The following AFG1L variants were observed in gnomAD, a reference collection of about 807,000 sequenced individuals.
The protein encoded by AFG1L is AFG1-like ATPase.
AFG1L carries 53 observed loss-of-function variants against 62.2 expected under a neutral mutation model. That is an observed-to-expected ratio of 0.85 (90% CI 0.68 to 1.07). The LOEUF (loss-of-function observed/expected upper bound fraction) is 1.07, where lower values mean the gene tolerates loss of function less well. Among genes scored for constraint, AFG1L ranks in the 50% least tolerant of loss-of-function variants. The pLI is 0.00. For synonymous variants in AFG1L, 228 were observed against 210.3 expected (o/e 1.08, Z -0.73); for missense variants, 555 against 590.5 (o/e 0.94, Z 0.62).
chr6:108,297,777 C>A (rs1323186997), intron 1 of AFG1L, among the ~76,000 whole-genome samples: 1 of 150,922 alleles, frequency 6.6e-6, no homozygotes, highest in African/African-American at 2.4e-5. Context: ...ATCACTTGAG[C>A]CCAGGAAGTC....
chr6:108,517,969 A>G (rs1410224674), intron 11 of AFG1L, among the ~76,000 whole-genome samples: 1 of 152,224 alleles, frequency 6.6e-6, no homozygotes, highest in African/African-American at 2.4e-5. Context: ...ATCTCACACC[A>G]GTTAGAATGG....
chr6:108,303,754 T>A (rs571907137), intron 1 of AFG1L, among the ~76,000 whole-genome samples: 16 of 152,324 alleles, frequency 1.1e-4, no homozygotes, highest in Admixed American at 6.5e-4. Context: ...GCAACTCCTG[T>A]AGATTCCATT....
rs1775297940 is a variant in AFG1L at position 108,525,849 on chromosome 6, C to T, written c.*3424C>T. ...GTATTGCTGGTCCAAGTAACTTGAA[C>T]CTACACTTGACGGCTGCTTTATCTG... is the stretch of plus-strand genomic sequence containing the variant. On this transcript the variant is annotated 3_prime_UTR_variant, in exon 13 of 13. Transcript: ENST00000368977. The T allele has an allele frequency of 6.6e-6, 1 of 152,208 alleles. No individual in the cohort carries two copies. The highest frequency in any genetic ancestry group is 2.4e-5 in the African/African-American group (1 of 41,462). 9.4% of individuals were successfully genotyped at this position (152,208 alleles called of 1,614,324 possible).
intron 8 of AFG1L, among the ~76,000 whole-genome samples, chr6:108,448,814 A>C (rs555827952): frequency 5.9e-5 from 9 of 152,308 alleles, no homozygotes; most frequent in Admixed American, 5.9e-4. Context: ...CCAGACCTAC[A>C]AAGGACACCA....
chr6:108,297,816 G>A (rs1242342940), intron 1 of AFG1L, among the ~76,000 whole-genome samples: 5 of 147,428 alleles, frequency 3.4e-5, no homozygotes, highest in South Asian at 4.3e-4. Flanking sequence ...GAGAGATGGC[G>A]TCACTGCACT....
At chr6:108,398,222 T>C (rs1781402661) in intron 6 of AFG1L, among the ~76,000 whole-genome samples, 1 of 152,216 alleles carries the variant, frequency 6.6e-6, no homozygotes, top group Middle Eastern at 3.2e-3. Flanking sequence ...AGCACTTTTT[T>C]GTTTGCCTGT....
intron 8 of AFG1L, among the ~76,000 whole-genome samples, chr6:108,467,961 T>A (rs1772737817): frequency 6.6e-6 from 1 of 152,230 alleles, no homozygotes; most frequent in African/African-American, 2.4e-5. Flanking sequence ...TACTGGAGTT[T>A]TAGTTGACCT....
intron 10 of AFG1L, among the ~76,000 whole-genome samples, chr6:108,495,668 A>G (rs371910295): frequency 6.6e-6 from 1 of 152,368 alleles, no homozygotes; most frequent in East Asian, 1.9e-4. Flanking sequence ...TAAGTTTGTT[A>G]GAGAAACTGG....
chr6:108,385,636 A>G (rs975318932), intron 6 of AFG1L, among the ~76,000 whole-genome samples: 1 of 152,138 alleles, frequency 6.6e-6, no homozygotes, highest in Non-Finnish European at 1.5e-5. Context: ...ATATTTCTGT[A>G]CGTGTGTCTT....
chr6:108,517,819 C>G (rs1285707468), intron 11 of AFG1L, among the ~76,000 whole-genome samples: 4 of 152,128 alleles, frequency 2.6e-5, no homozygotes, highest in Non-Finnish European at 5.9e-5. Context: ...AAAAAAACAA[C>G]AAACCCATCA....
chr6:108,406,268 G>A (rs1302960417), intron 7 of AFG1L, among the ~76,000 whole-genome samples: 1 of 148,526 alleles, frequency 6.7e-6, no homozygotes, highest in East Asian at 2.0e-4. Flanking sequence ...AAGCATTCCA[G>A]TTTCTCTGCA....
chr6:108,350,963 T>C (rs921315113), intron 3 of AFG1L, among the ~76,000 whole-genome samples: 1 of 152,128 alleles, frequency 6.6e-6, no homozygotes, highest in Non-Finnish European at 1.5e-5. Context: ...CCTCCTGTGC[T>C]ACAAACCTGT....
At chr6:108,387,559 G>GTA (rs1357971869) in intron 6 of AFG1L, 2 of 152,308 alleles carry the variant, frequency 1.3e-5, no homozygotes, top group Non-Finnish European at 2.9e-5. Flanking sequence ...GATAAATCAA[G>GTA]TATTGTATGG....
At chr6:108,519,642 C>A in intron 11 of AFG1L, 55 bp from the exon 12 acceptor site, 1 of 931,630 alleles carries the variant, frequency 1.1e-6, no homozygotes, top group Non-Finnish European at 1.7e-6. Context: ...TTTTTCTTAC[C>A]TTCAACTTGT....
intron 1 of AFG1L, among the ~76,000 whole-genome samples, chr6:108,298,833 G>GA (rs777869152): frequency 6.6e-6 from 1 of 152,156 alleles, no homozygotes; most frequent in Admixed American, 6.5e-5. Flanking sequence ...GAGAATACTG[G>GA]AAGCTGGGTG....
rs537952360 is a variant in AFG1L at position 108,522,194 on chromosome 6, A to C, written c.1318-103A>C. 6.9e-6 allele frequency: 7 copies of C among 1,020,102 alleles called. No homozygotes were observed. In the East Asian group the frequency reaches 1.8e-4, roughly 26 times the overall value. The allele number at this position is 1,020,102 out of a possible 1,614,324, so 63.2% of individuals were successfully genotyped here. ...AAAAAAAAGTTATAAAAAAAGGCATAATCTAAACCGGTAAGCCTAAAAAGT... is the reference window on the plus strand; with the variant it reads ...AAAAAAAAGTTATAAAAAAAGGCATCATCTAAACCGGTAAGCCTAAAAAGT... On this transcript the variant is annotated intron_variant, in intron 12 of 12. Coordinates refer to ENST00000368977, the MANE Select transcript of AFG1L (RefSeq NM_145315.5).
At chr6:108,441,007 A>AT (rs1771523681) in intron 7 of AFG1L, among the ~76,000 whole-genome samples, 2 of 152,076 alleles carry the variant, frequency 1.3e-5, no homozygotes, top group Admixed American at 6.6e-5. Flanking sequence ...TGTAGTTGGG[A>AT]TTTTTTCCTC....
chr6:108,434,069 G>T (rs994942726), intron 7 of AFG1L, among the ~76,000 whole-genome samples: 1 of 152,182 alleles, frequency 6.6e-6, no homozygotes, highest in African/African-American at 2.4e-5. Flanking sequence ...TATGCTGAAT[G>T]GGTTGTCTAA....
intron 6 of AFG1L, among the ~76,000 whole-genome samples, chr6:108,394,762 T>A (rs1336312778): frequency 6.6e-6 from 1 of 152,222 alleles, no homozygotes; most frequent in Non-Finnish European, 1.5e-5. Context: ...TGTTTGGTTA[T>A]CCCAAATAAA....
Sources: gnomAD v4.1 joint callset for allele counts (sites outside exome capture counted in the v4.1 genomes callset) on GRCh38, gnomAD v4.1.1 for gene constraint, MANE v1.5 for transcripts, NCBI Gene and HGNC (gene_info 2026-07-23, HGNC 2026-07-21) for gene names.